The following ITPRID1 variants were observed in gnomAD, a reference collection of about 807,000 sequenced individuals.
ITPRID1 encodes protein ITPRID1.
In ITPRID1, 96 loss-of-function variants were observed where a neutral mutation model predicts 95.4. The observed-to-expected ratio is 1.01, with a 90% CI of 0.85 to 1.19. ITPRID1 has a LOEUF of 1.19. Among genes scored for constraint, ITPRID1 ranks in the 50% most tolerant of loss-of-function variants. The pLI is 0.00. For missense variants in ITPRID1, 1,339 were observed against 1,252.9 expected (o/e 1.07, Z -1.04); for synonymous variants, 510 against 453.6 (o/e 1.12, Z -1.58).
At chr7:31,522,011 A>G (rs978374626) in intron 1 of ITPRID1, among the ~76,000 whole-genome samples, 3 of 150,952 alleles carry the variant, frequency 2.0e-5, no homozygotes, top group African/African-American at 7.3e-5. Flanking sequence ...TCTTTATGGG[A>G]AAAAAAGCAA....
At chr7:31,592,527 A>G (rs938790291) in intron 10 of ITPRID1, among the ~76,000 whole-genome samples, 1 of 152,192 alleles carries the variant, frequency 6.6e-6, no homozygotes, top group Non-Finnish European at 1.5e-5. Context: ...CAGTTTCATT[A>G]AAAGTAGTTT....
intron 10 of ITPRID1, among the ~76,000 whole-genome samples, chr7:31,591,362 G>A (rs766912222): frequency 2.6e-4 from 40 of 152,284 alleles, no homozygotes; most frequent in Middle Eastern, 6.8e-3. Context: ...TGGCCCGGCT[G>A]TGAGACACAC....
At chr7:31,555,132 A>G in intron 5 of ITPRID1, 1 of 483,004 alleles carries the variant, frequency 2.1e-6, no homozygotes, top group Non-Finnish European at 3.7e-6. Context: ...CCATATCATC[A>G]ATGGCTCAGA....
At chr7:31,644,562 G>A (rs115513359) in intron 12 of ITPRID1, among the ~76,000 whole-genome samples, 8 of 152,238 alleles carry the variant, frequency 5.3e-5, no homozygotes, top group East Asian at 1.9e-4. Context: ...AGCTTCCCAC[G>A]TCAAATAGAG....
intron 10 of ITPRID1, among the ~76,000 whole-genome samples, chr7:31,626,210 TA>T (rs1173427600): frequency 2.0e-5 from 3 of 152,190 alleles, no homozygotes; most frequent in Admixed American, 6.5e-5. Context: ...CAAAGTTCTT[TA>T]AAAAAGAATC....
chr7:31,636,029 C>G (rs1240763489), intron 10 of ITPRID1, among the ~76,000 whole-genome samples: 1 of 152,120 alleles, frequency 6.6e-6, no homozygotes, highest in South Asian at 2.1e-4. Flanking sequence ...GCAGAAGGCA[C>G]TTTTTCACAG....
At chr7:31,521,878 C>T (rs1783273028) in intron 1 of ITPRID1, among the ~76,000 whole-genome samples, 1 of 149,770 alleles carries the variant, frequency 6.7e-6, no homozygotes, top group African/African-American at 2.5e-5. Flanking sequence ...GGACTACAGG[C>T]ATGGACCTCC....
At chr7:31,609,890 T>C (rs1170481752) in intron 10 of ITPRID1, among the ~76,000 whole-genome samples, 10 of 151,514 alleles carry the variant, frequency 6.6e-5, no homozygotes, top group African/African-American at 2.4e-4. Flanking sequence ...TTTGAGATTC[T>C]ATTTCTTTTT....
chr7:31,630,556 C>G (rs1172125671), intron 10 of ITPRID1, among the ~76,000 whole-genome samples: 1 of 152,098 alleles, frequency 6.6e-6, no homozygotes. Context: ...GCAGAAAAGA[C>G]TGGATTATGG....
At chr7:31,603,780 C>T (rs78757513) in intron 10 of ITPRID1, among the ~76,000 whole-genome samples, 2 of 152,148 alleles carry the variant, frequency 1.3e-5, no homozygotes, top group Admixed American at 1.3e-4. Context: ...TAGTGTCCCC[C>T]ACAATCGCCC....
chr7:31,642,213 C>G lies in ITPRID1; in HGVS notation c.1266C>G (p.Asp422Glu), dbSNP rs749539185. 46 of 1,561,066 alleles carry G rather than the reference C, an allele frequency of 2.9e-5. No individual in the cohort carries two copies. In the Middle Eastern group the frequency reaches 5.8e-4, roughly 20 times the overall value. Residue 422 changes from aspartate (D) to glutamate (E), a missense_variant, in exon 11 of 15, where the codon GAC becomes GAG. Coordinates refer to ENST00000615280, the MANE Select transcript of ITPRID1 (RefSeq NM_001257967.3). ...RVDRANSCQS[D>E]SSGFLEEPLE... The stretch of plus-strand genomic sequence containing the variant: ...ACAGAGCAAATAGCTGCCAGTCTGA[C>G]AGCAGCGGGTTCCTGGAGGAGCCGC...
chr7:31,587,713 G>T (rs1349202428), intron 10 of ITPRID1, among the ~76,000 whole-genome samples: 1 of 151,302 alleles, frequency 6.6e-6, no homozygotes, highest in Non-Finnish European at 1.5e-5. Flanking sequence ...CAAAGCTGGA[G>T]GCATCACACT....
Position 31,652,632 on chromosome 7 carries a change from G to T in ITPRID1, c.2938G>T (p.Ala980Ser), listed in dbSNP as rs377589498. 22 of 1,613,806 alleles carry T rather than the reference G, an allele frequency of 1.4e-5. No individual in the cohort carries two copies. In the East Asian group the frequency reaches 4.9e-4, roughly 36 times the overall value. Residue 980 changes from alanine to serine, a missense_variant, in exon 15 of 15, where the codon GCC (alanine) becomes TCC (serine). Physicochemically the swap from Ala to Ser is moderately conservative, Grantham distance 99 (BLOSUM62 1). Transcript: ENST00000615280. ...TSCSKIHPGM[A>S]PRTVFPPDDG... The stretch of plus-strand genomic sequence containing the variant: ...ATGTTCTAAAATCCACCCAGGCATG[G>T]CCCCGAGGACTGTGTTTCCTCCCGA...
chr7:31,553,512 A>G (rs1784353077), intron 3 of ITPRID1, among the ~76,000 whole-genome samples: 1 of 152,206 alleles, frequency 6.6e-6, no homozygotes, highest in African/African-American at 2.4e-5. Context: ...CAGGTCATCA[A>G]ACATTTTATT....
chr7:31,621,539 T>C (rs1398035523), intron 10 of ITPRID1, among the ~76,000 whole-genome samples: 2 of 147,696 alleles, frequency 1.4e-5, no homozygotes, highest in Non-Finnish European at 3.0e-5. Flanking sequence ...TAAAATACTT[T>C]GCAGACAAGC....
At chr7:31,588,154 T>C (rs1785700413) in intron 10 of ITPRID1, among the ~76,000 whole-genome samples, 1 of 152,150 alleles carries the variant, frequency 6.6e-6, no homozygotes, top group Non-Finnish European at 1.5e-5. Context: ...TCATAAACTC[T>C]GGACAAAATA....
At chr7:31,537,575 C>A (rs551335372) in intron 1 of ITPRID1, among the ~76,000 whole-genome samples, 1 of 152,050 alleles carries the variant, frequency 6.6e-6, no homozygotes, top group East Asian at 1.9e-4. Context: ...TAAAATTATA[C>A]ATTTGACATT....
At position 31,609,866 on chromosome 7, in the gene ITPRID1, G is replaced by T. The variant is rs548774534; in HGVS notation, c.1228+26675G>T. On this transcript the variant is annotated intron_variant, in intron 10 of 14. Coordinates refer to ENST00000615280, the MANE Select transcript of ITPRID1 (RefSeq NM_001257967.3). ...TTGCTGTTTGTGTAGTTTAAGGTAAGAGGTTAGGTAATTTTTGAGATTCTA... is the reference window on the plus strand; with the variant it reads ...TTGCTGTTTGTGTAGTTTAAGGTAATAGGTTAGGTAATTTTTGAGATTCTA... 1.2e-4 allele frequency among the ~76,000 whole-genome samples: 18 copies of T among 151,406 alleles called. 1 individual carries two copies. The South Asian group carries it at 3.7e-3, about 32-fold the overall frequency.
At chr7:31,628,748 G>A (rs1216890737) in intron 10 of ITPRID1, among the ~76,000 whole-genome samples, 1 of 152,140 alleles carries the variant, frequency 6.6e-6, no homozygotes, top group Non-Finnish European at 1.5e-5. Context: ...GAGCCACCGC[G>A]CCCGGCCTGA....
Sources: allele counts gnomAD v4.1 joint callset (sites outside exome capture counted in the v4.1 genomes callset), GRCh38; gene constraint gnomAD v4.1.1; transcripts MANE v1.5; gene names NCBI Gene and HGNC (gene_info 2026-07-23, HGNC 2026-07-21).